MALRD1: variants seen among roughly 807,000 people sequenced by gnomAD.
The protein encoded by MALRD1 is MAM and LDL receptor class A domain containing 1, also known as MAM and LDL-receptor class A domain-containing protein 1.
In MALRD1, 247 loss-of-function variants were observed where a neutral mutation model predicts 242.1. The ratio of observed to expected loss-of-function variants is 1.02; its 90% confidence interval spans 0.92 to 1.13. MALRD1 has a LOEUF of 1.13. MALRD1 is among the 50% of genes most tolerant of loss of function. The pLI, the probability that MALRD1 is intolerant of heterozygous loss-of-function variation, is 0.00. For synonymous variants in MALRD1, 995 were observed against 866.6 expected (o/e 1.15, Z -2.60); for missense variants, 2,989 against 2,533.1 (o/e 1.18, Z -3.86).
intron 29 of MALRD1, among the ~76,000 whole-genome samples, chr10:19,481,950 G>A (rs767708060): frequency 6.6e-6 from 1 of 151,716 alleles, no homozygotes; most frequent in Non-Finnish European, 1.5e-5. Flanking sequence ...TAAATTCCTC[G>A]AAGGTGAGAG....
chr10:19,595,234 G>A lies in MALRD1; in HGVS notation c.5721G>A (p.Gln1907=). ...PVQPSPCEAD[Q]FSCIYTLQCV... ...AGCCATCACCCTGTGAAGCTGATCA[G>A]TTTTCTTGTATCTACACACTCCAAT... Residue 1907 remains glutamine (Q), a synonymous_variant, in exon 34 of 40, where the codon CAG becomes CAA. Transcript: ENST00000454679. 2 of 1,550,440 alleles carry A rather than the reference G, an allele frequency of 1.3e-6. No homozygotes were observed. Among genetic ancestry groups the A allele is most frequent in the Non-Finnish European group, 1.7e-6 (2 of 1,146,894 alleles).
intron 38 of MALRD1, among the ~76,000 whole-genome samples, chr10:19,704,768 G>T (rs1833786571): frequency 6.6e-6 from 1 of 152,188 alleles, no homozygotes. Flanking sequence ...TGAATGCTAT[G>T]ATAGAAATGT....
chr10:19,401,356 TCTAAC>T (rs1366052951), intron 28 of MALRD1, among the ~76,000 whole-genome samples: 27 of 152,294 alleles, frequency 1.8e-4, no homozygotes, highest in Admixed American at 3.3e-4. Context: ...TTGGGTAACT[TCTAAC>T]ATAATGTATT....
rs187443975 is a variant in MALRD1, at chr10:19,694,377, C to G, written c.6314+1823C>G. ...TCTACAAAGAACTCAAACAAATTCA[C>G]AAGAAAAAAACAACCCCATCAACAA... On this transcript the variant is annotated intron_variant, in intron 38 of 39. Coordinates refer to ENST00000454679, the MANE Select transcript of MALRD1 (RefSeq NM_001142308.3). 3.4e-3 allele frequency among the ~76,000 whole-genome samples: 520 copies of G among 152,024 alleles called. 1 individual carries two copies. The highest frequency in any genetic ancestry group is 5.6e-3 in the Non-Finnish European group (378 of 67,954).
chr10:19,729,767 C>G (rs1233933755), intron 38 of MALRD1, among the ~76,000 whole-genome samples: 1 of 108,738 alleles, frequency 9.2e-6, no homozygotes, highest in Non-Finnish European at 1.7e-5. Context: ...GACGGAGTCT[C>G]GCTCTGTGGC....
At chr10:19,448,699 C>T (rs3908908) in intron 28 of MALRD1, among the ~76,000 whole-genome samples, 33,871 of 151,862 alleles carry the variant, frequency 0.22, 4,461 homozygotes, top group South Asian at 0.36. Context: ...CTCAGCTATC[C>T]ATGTTTACAT....
At chr10:19,706,501 C>T (rs1833872168) in intron 38 of MALRD1, among the ~76,000 whole-genome samples, 1 of 151,990 alleles carries the variant, frequency 6.6e-6, no homozygotes, top group Non-Finnish European at 1.5e-5. Flanking sequence ...CAGGTGCCTG[C>T]CACCACGCCT....
rs1835227674 is a variant in MALRD1, at chr10:19,073,655, C to T, written c.340+6796C>T. ...ATGAATTTTATGTTTAGACTTGTGT[C>T]CCATCTCTAATGCATGTGCAAATAT... On this transcript the variant is annotated intron_variant, in intron 2 of 39. Transcript: ENST00000454679. 2.6e-5 allele frequency among the ~76,000 whole-genome samples: 4 copies of T among 152,038 alleles called. No individual in the cohort carries two copies. In the South Asian group the frequency reaches 8.3e-4, roughly 31 times the overall value.
intron 29 of MALRD1, among the ~76,000 whole-genome samples, chr10:19,453,289 T>C (rs556782819): frequency 2.6e-5 from 4 of 152,228 alleles, no homozygotes; most frequent in Non-Finnish European, 2.9e-5. Flanking sequence ...TATGCTACCA[T>C]TGATATGAAA....
chr10:19,153,693 A>AG (rs946480807), intron 11 of MALRD1, among the ~76,000 whole-genome samples: 4 of 148,028 alleles, frequency 2.7e-5, no homozygotes, highest in African/African-American at 1.0e-4. Flanking sequence ...TGTCTCAGGA[A>AG]AAAAAAAAAA....
intron 5 of MALRD1, among the ~76,000 whole-genome samples, chr10:19,111,551 G>T (rs1434545586): frequency 5.3e-5 from 8 of 152,134 alleles, no homozygotes. Context: ...TATGACAGAG[G>T]GCAATAAGCT....
intron 36 of MALRD1, among the ~76,000 whole-genome samples, chr10:19,682,889 T>A (rs1056766103): frequency 1.3e-5 from 2 of 152,172 alleles, no homozygotes; most frequent in Non-Finnish European, 2.9e-5. Flanking sequence ...AAACCTCATC[T>A]GGGCATGGGG....
chr10:19,087,546 CTTTT>C (rs59368317), intron 2 of MALRD1, among the ~76,000 whole-genome samples: 1 of 144,012 alleles, frequency 6.9e-6, no homozygotes, highest in Non-Finnish European at 1.5e-5. Flanking sequence ...TGTCTCGTTT[CTTTT>C]TTTTTTTTTT....
In MALRD1 at chr10:19,450,443, G is replaced by A; in HGVS notation, c.4982G>A (p.Gly1661Glu). The A allele has an allele frequency of 6.4e-7, 1 of 1,550,560 alleles. No homozygotes were observed. Among genetic ancestry groups the A allele is most frequent in the Non-Finnish European group, 8.7e-7 (1 of 1,146,942 alleles). The change falls in exon 29 of 40, where the codon GGA becomes GAA. Residue 1661 changes from glycine to glutamate, a missense_variant. Transcript: ENST00000454679. ...CAAGGTATCAGAACAAGGGACCTGG[G>A]AGGAGGAGCTGCAATTGATGATATT... ...IFQGIRTRDL[G>E]GGAAIDDIEF...
chr10:19,393,858 T>A (rs148000180), intron 28 of MALRD1, among the ~76,000 whole-genome samples: 1 of 152,212 alleles, frequency 6.6e-6, no homozygotes, highest in African/African-American at 2.4e-5. Context: ...TTTGTTTTCA[T>A]TGGGTAAAAT....
At position 19,242,325 on chromosome 10, in the gene MALRD1, G is replaced by T. The variant is rs142574733; in HGVS notation, c.2992-15359G>T. Among the ~76,000 whole-genome samples, 1,290 of 152,214 alleles carry T rather than the reference G, an allele frequency of 8.5e-3. 14 individuals carry two copies. The highest frequency in any genetic ancestry group is 0.029 in the African/African-American group (1,218 of 41,520). On this transcript the variant is annotated intron_variant, in intron 18 of 39. Transcript: ENST00000454679. ...CCCATGATTCAATTATCTCCCACTGGTTCCCTCCCACAACATGTATGAATT... is the reference window on the plus strand; with the variant it reads ...CCCATGATTCAATTATCTCCCACTGTTTCCCTCCCACAACATGTATGAATT...
intron 32 of MALRD1, among the ~76,000 whole-genome samples, chr10:19,547,818 A>ATATATATATATATT (rs1564431908): frequency 1.8e-4 from 3 of 16,916 alleles, no homozygotes; most frequent in African/African-American, 3.9e-4. Flanking sequence ...ATATATATAT[A>ATATATATATATATT]TTTTTTTTTT....
intron 29 of MALRD1, among the ~76,000 whole-genome samples, chr10:19,451,716 C>G (rs1162849024): frequency 3.9e-5 from 6 of 152,314 alleles, no homozygotes; most frequent in Non-Finnish European, 7.3e-5. Flanking sequence ...TGTAGTGTTA[C>G]AGCATCTGCT....
At chr10:19,310,008 G>T (rs904025253) in intron 21 of MALRD1, among the ~76,000 whole-genome samples, 2 of 151,468 alleles carry the variant, frequency 1.3e-5, no homozygotes, top group African/African-American at 4.8e-5. Flanking sequence ...CAGTGAGTCA[G>T]GGAGGAAAGG....
Sources: gnomAD v4.1 joint callset for allele counts (sites outside exome capture counted in the v4.1 genomes callset) on GRCh38, gnomAD v4.1.1 for gene constraint, MANE v1.5 for transcripts, NCBI Gene and HGNC (gene_info 2026-07-23, HGNC 2026-07-21) for gene names.